The following MAST1 variants were observed in gnomAD, a reference collection of about 807,000 sequenced individuals.
The protein encoded by MAST1 is microtubule associated serine/threonine kinase 1, also known as microtubule-associated serine/threonine-protein kinase 1.
A neutral mutation model predicts 124.6 loss-of-function variants in MAST1; 40 were observed. That is an observed-to-expected ratio of 0.32 (90% CI 0.25 to 0.42). The LOEUF (loss-of-function observed/expected upper bound fraction) is 0.42. Ranked by LOEUF, MAST1 falls within the 10% of genes least tolerant of loss-of-function variation. The probability of loss-of-function intolerance (pLI) is 1.00; values close to 1 mark genes in which losing one functional copy is unlikely to be tolerated. For missense variants in MAST1, 1,558 were observed against 2,181.9 expected, an observed-to-expected ratio of 0.71 and a Z score of 5.70; for synonymous variants, 938 against 939.4, an observed-to-expected ratio of 1.00 and a Z score of 0.03.
Position 12,852,050 on chromosome 19 carries a change from C to T in MAST1, c.876+15C>T. 6.2e-7 allele frequency: 1 copy of T among 1,613,846 alleles called. No homozygotes were observed. The highest frequency in any genetic ancestry group is 8.5e-7 in the Non-Finnish European group (1 of 1,179,920). On this transcript the variant is annotated intron_variant, in intron 8 of 25. Transcript: ENST00000251472. ...TGGAGTGCCTGGTGAGGGGGCTGGG[C>T]ATGGGTAGGGGTGGGTTGGTAGACC...
chr19:12,864,852 C>G lies in MAST1; in HGVS notation c.1410C>G (p.Pro470=), dbSNP rs759141821. 1.2e-6 allele frequency: 2 copies of G among 1,614,016 alleles called. No individual in the cohort carries two copies. The highest frequency in any genetic ancestry group is 1.7e-6 in the Non-Finnish European group (2 of 1,180,020). The stretch of plus-strand genomic sequence containing the variant: ...TGCTGAAGAATATTGGAGCGCTGCC[C>G]GTAGAGATGGCCCGCATGTACTTTG... ...ATLLKNIGAL[P]VEMARMYFAE... The change falls in exon 13 of 26, where the codon CCC becomes CCG. Residue 470 remains proline (P), a synonymous_variant. Coordinates refer to ENST00000251472, the MANE Select transcript of MAST1 (RefSeq NM_014975.3).
intron 12 of MAST1, chr19:12,859,028 C>T: frequency 2.0e-6 from 1 of 502,194 alleles, no homozygotes; most frequent in South Asian, 3.5e-5. Context: ...TCTGTTTTTC[C>T]ATCCATACAT....
Position 12,847,930 on chromosome 19 carries a change from T to C in MAST1, c.647T>C (p.Val216Ala). The change falls in exon 7 of 26, where the codon GTG (valine) becomes GCG (alanine). Residue 216 changes from valine to alanine, a missense_variant. By Grantham distance (64) the Val-to-Ala change is moderately conservative. This residue lies in a region of MAST1 where 165 missense variants were observed against 315.3 expected (regional missense o/e 0.52). Coordinates refer to ENST00000251472, the MANE Select transcript of MAST1 (RefSeq NM_014975.3). This position sits in a 1 kb window ranked among gnomAD's most constrained non-coding sequence, Gnocchi z 5.5. Reference sequence around the variant, plus strand: ...AGCGTTCTGCCTCTGGCCGATGGCGTGCTCAGCTTCATCCACCACCAGATC... The same window carrying C: ...AGCGTTCTGCCTCTGGCCGATGGCGCGCTCAGCTTCATCCACCACCAGATC... ...PDSVLPLADGVLSFIHHQIIE... is the reference protein window; with the variant it reads ...PDSVLPLADGALSFIHHQIIE... 6 of 1,614,036 alleles carry C rather than the reference T, an allele frequency of 3.7e-6. No individual in the cohort carries two copies. The highest frequency in any genetic ancestry group is 5.1e-6 in the Non-Finnish European group (6 of 1,179,976).
rs368524632 is a variant in MAST1, at chr19:12,873,279, C to T, written c.3264-45C>T. 27 of 1,582,836 alleles carry T rather than the reference C, an allele frequency of 1.7e-5. No individual in the cohort carries two copies. The African/African-American group carries it at 2.3e-4, about 13-fold the overall frequency. On this transcript the variant is annotated intron_variant, in intron 24 of 25. Coordinates refer to ENST00000251472, the MANE Select transcript of MAST1 (RefSeq NM_014975.3). Reference sequence around the variant, plus strand: ...CGTGAAATGGGAGGAGCCCTGAGCTCTGGCGTCCAGGTCAAGGACGCTTGG... The same window carrying T: ...CGTGAAATGGGAGGAGCCCTGAGCTTTGGCGTCCAGGTCAAGGACGCTTGG...
chr19:12,858,418 G>A lies in MAST1; in HGVS notation c.1134G>A (p.Lys378=). The A allele has an allele frequency of 6.2e-7, 1 of 1,614,056 alleles. No homozygotes were observed. Among genetic ancestry groups the A allele is most frequent in the Non-Finnish European group, 8.5e-7 (1 of 1,179,986 alleles). The change falls in exon 11 of 26, where the codon AAG becomes AAA. Residue 378 remains lysine (K), a synonymous_variant. Transcript: ENST00000251472. ...PPGENDFDTI[K]LISNGAYGAV... ...GGGAGAATGACTTCGATACCATCAA[G>A]CTCATAAGCAACGGTGCCTACGGGT...
rs769815447 is a variant in MAST1 at position 12,866,020 on chromosome 19, C to A, written c.1947C>A (p.Asp649Glu). ...FEVKQHSFFR[D>E]LDWTGLLRQK... The stretch of plus-strand genomic sequence containing the variant: ...TGAAGCAGCACAGTTTCTTTCGAGA[C>A]CTGGACTGGACAGGGCTGCTGAGGC... Residue 649 changes from aspartate to glutamate, a missense_variant, in exon 17 of 26, where the codon GAC becomes GAA. Physicochemically the swap from Asp to Glu is conservative, Grantham distance 45. Transcript: ENST00000251472. The surrounding 1 kb of genome is among the most constrained non-coding windows in gnomAD (Gnocchi z 5.2). The A allele has an allele frequency of 6.2e-7, 1 of 1,614,114 alleles. No homozygotes were observed. Among genetic ancestry groups the A allele is most frequent in the South Asian group, 1.1e-5 (1 of 91,090 alleles).
chr19:12,867,647 G>C lies in MAST1; in HGVS notation c.2313G>C (p.Pro771=), dbSNP rs766397010. Residue 771 remains proline, a synonymous_variant, in exon 19 of 26, where the codon CCG becomes CCC. Coordinates refer to ENST00000251472, the MANE Select transcript of MAST1 (RefSeq NM_014975.3). ...AGAAGACCTGGAGAGGGGGCTCTCCGGAGATGTGAGCAGGGGAATGGCGGA... is the reference window on the plus strand; with the variant it reads ...AGAAGACCTGGAGAGGGGGCTCTCCCGAGATGTGAGCAGGGGAATGGCGGA... ...LREKTWRGGS[P]EIKRFSASEA... is the part of the protein sequence containing the mutation. 5.0e-6 allele frequency: 8 copies of C among 1,593,652 alleles called. No individual in the cohort carries two copies. Among genetic ancestry groups the C allele is most frequent in the South Asian group, 1.1e-5 (1 of 88,732 alleles).
chr19:12,869,029 T>C (rs1263069411), intron 21 of MAST1, 37 bp from the exon 22 acceptor site: 5 of 1,601,196 alleles, frequency 3.1e-6, no homozygotes, highest in Non-Finnish European at 4.3e-6. Context: ...GTCTATCTTC[T>C]TGGTTCTGAT....
At position 12,843,303 on chromosome 19, in the gene MAST1, G is replaced by A. The variant is rs992853278; in HGVS notation, c.249-226G>A. Among the ~76,000 whole-genome samples the A allele has an allele frequency of 2.2e-4, 34 of 152,056 alleles. No homozygotes were observed. Among genetic ancestry groups the A allele is most frequent in the African/African-American group, 8.2e-4 (34 of 41,388 alleles). ...TGTCCACTCTGAATGATAAGAGAGG[G>A]GACCGTGGGGAGGAGAGTGGAGACG... On this transcript the variant is annotated intron_variant, in intron 3 of 25. Transcript: ENST00000251472. This position sits in a 1 kb window ranked among gnomAD's most constrained non-coding sequence, Gnocchi z 4.9.
At position 12,847,201 on chromosome 19, in the gene MAST1, C is replaced by T. The variant is rs1969903869; in HGVS notation, c.328-89C>T. The T allele has an allele frequency of 2.5e-6, 2 of 811,094 alleles. No individual in the cohort carries two copies. Among genetic ancestry groups the T allele is most frequent in the Admixed American group, 2.2e-5 (1 of 44,630 alleles). The allele number at this position is 811,094 out of a possible 1,614,324, so 50.2% of individuals were successfully genotyped here. A position where few individuals can be genotyped will look rare whatever the true frequency, so the allele number is the denominator to read the frequency against. On this transcript the variant is annotated intron_variant, in intron 4 of 25. Coordinates refer to ENST00000251472, the MANE Select transcript of MAST1 (RefSeq NM_014975.3). This position sits in a 1 kb window ranked among gnomAD's most constrained non-coding sequence, Gnocchi z 5.5. ...TCCTGATCCTGGCCTTGCCCAGTGA[C>T]CCCATCGGCTTTGGGAGTCCCAGCT...
chr19:12,865,815 G>T lies in MAST1; in HGVS notation c.1903G>T (p.Ala635Ser), dbSNP rs1199046460. 3.1e-6 allele frequency: 5 copies of T among 1,613,024 alleles called. No homozygotes were observed. The South Asian group carries it at 5.5e-5, about 18-fold the overall frequency. The stretch of plus-strand genomic sequence containing the variant: ...GACCAACCCTCTGGTCAGGCTTGGG[G>T]CAGGTAAGTCCGCCATGCAGAGGAG... ...LQTNPLVRLG[A>S]GGAFEVKQHS... The change falls in exon 16 of 26, where the codon GCA (alanine) becomes TCA (serine). Residue 635 changes from alanine (A) to serine (S), a missense_variant. Coordinates refer to ENST00000251472, the MANE Select transcript of MAST1 (RefSeq NM_014975.3). The surrounding 1 kb of genome is among the most constrained non-coding windows in gnomAD (Gnocchi z 7.1).
rs1970262781 is a variant in MAST1, at chr19:12,873,354, C to T, written c.3294C>T (p.Ile1098=). 6.2e-7 allele frequency: 1 copy of T among 1,613,746 alleles called. No homozygotes were observed. ...SKKRSSLFRK[I]TKQSNLLHTS... ...AGCGCAGCTCCCTCTTCCGGAAGAT[C>T]ACGAAGCAGTCGAACCTGCTGCATA... Residue 1098 remains isoleucine (I), a synonymous_variant, in exon 25 of 26, where the codon ATC becomes ATT. Coordinates refer to ENST00000251472, the MANE Select transcript of MAST1 (RefSeq NM_014975.3).
In MAST1 at chr19:12,871,186, T is replaced by C; in HGVS notation, c.3263+14T>C. ...GGGCCAGGAGAGGTGGGCACAGCCG[T>C]AAACAGCCTGGTCTTTGAGCAGTGG... On this transcript the variant is annotated intron_variant, in intron 24 of 25. Coordinates refer to ENST00000251472, the MANE Select transcript of MAST1 (RefSeq NM_014975.3). The C allele has an allele frequency of 6.2e-7, 1 of 1,613,648 alleles. No homozygotes were observed. The highest frequency in any genetic ancestry group is 1.1e-5 in the South Asian group (1 of 91,060).
rs544095042 is a variant in MAST1 at position 12,871,325 on chromosome 19, C to T, written c.3263+153C>T. Among the ~76,000 whole-genome samples the T allele has an allele frequency of 9.2e-5, 14 of 152,026 alleles. No homozygotes were observed. In the South Asian group the frequency reaches 1.2e-3, roughly 14 times the overall value. ...GGAAGAGGACAATTAAGAGGGGCTG[C>T]GGGCTGGGCGCGGTGGCTCACGCCT... On this transcript the variant is annotated intron_variant, in intron 24 of 25. Coordinates refer to ENST00000251472, the MANE Select transcript of MAST1 (RefSeq NM_014975.3).
Position 12,866,146 on chromosome 19 carries a change from C to T in MAST1, c.2029+44C>T. 1 of 1,611,532 alleles carries T rather than the reference C, an allele frequency of 6.2e-7. No homozygotes were observed. The highest frequency in any genetic ancestry group is 8.5e-7 in the Non-Finnish European group (1 of 1,179,456). On this transcript the variant is annotated intron_variant, in intron 17 of 25. Transcript: ENST00000251472. This position sits in a 1 kb window ranked among gnomAD's most constrained non-coding sequence, Gnocchi z 5.2. ...CACGACCTGGGTCGAGGGGTGGGATCCGGGAAGAGGGACCCTGGGGTAAGT... is the reference window on the plus strand; with the variant it reads ...CACGACCTGGGTCGAGGGGTGGGATTCGGGAAGAGGGACCCTGGGGTAAGT...
chr19:12,839,328 G>A (rs564866810), intron 1 of MAST1, among the ~76,000 whole-genome samples: 1 of 152,188 alleles, frequency 6.6e-6, no homozygotes, highest in Non-Finnish European at 1.5e-5. Context: ...ACACACAGGG[G>A]CACCACGTCG....
chr19:12,865,972 C>A lies in MAST1; in HGVS notation c.1907-8C>A. ...CATCAGCTGTGGCTGGAATCCCTTC[C>A]GTCCCAGGCGGCGCTTTTGAGGTGA... On this transcript the variant is annotated splice_region_variant and splice_polypyrimidine_tract_variant and intron_variant, in intron 16 of 25. Transcript: ENST00000251472. The surrounding 1 kb of genome is among the most constrained non-coding windows in gnomAD (Gnocchi z 7.1). The A allele has an allele frequency of 6.2e-7, 1 of 1,613,594 alleles. No individual in the cohort carries two copies. Among genetic ancestry groups the A allele is most frequent in the Non-Finnish European group, 8.5e-7 (1 of 1,179,922 alleles).
rs559179700 is a variant in MAST1 at position 12,870,895 on chromosome 19, G to A, written c.3075G>A (p.Gly1025=). ...CAGDLITHVN[G]EPVHGMVHPE... ...GGGACCTCATCACCCACGTGAATGG[G>A]GAGCCTGTGCATGGCATGGTGCATC... The change falls in exon 23 of 26, where the codon GGG becomes GGA. Residue 1025 remains glycine, a synonymous_variant. Coordinates refer to ENST00000251472, the MANE Select transcript of MAST1 (RefSeq NM_014975.3). 1 of 1,614,060 alleles carries A rather than the reference G, an allele frequency of 6.2e-7. No homozygotes were observed. The highest frequency in any genetic ancestry group is 1.1e-5 in the South Asian group (1 of 91,078).
intron 10 of MAST1, among the ~76,000 whole-genome samples, chr19:12,855,872 TTAATC>T (rs1407390254): frequency 5.9e-5 from 9 of 152,192 alleles, no homozygotes; most frequent in Admixed American, 5.9e-4. Flanking sequence ...TCTTGCCTGA[TTAATC>T]TAATAGTTTC....
Sources: allele counts gnomAD v4.1 joint callset (sites outside exome capture counted in the v4.1 genomes callset), GRCh38; gene constraint gnomAD v4.1.1; regional missense constraint gnomAD v4.1.1; non-coding constraint Gnocchi (gnomAD v3.1); transcripts MANE v1.5; gene names NCBI Gene and HGNC (gene_info 2026-07-23, HGNC 2026-07-21).